Variants in SEMA4D observed in about 807,000 individuals in gnomAD.
SEMA4D encodes the protein semaphorin 4D.
Under a neutral mutation model 74.8 loss-of-function variants are expected in SEMA4D, and 22 were observed. That is an observed-to-expected ratio of 0.29 (90% CI 0.21 to 0.42). The LOEUF is 0.42. Among genes scored for constraint, SEMA4D ranks in the 10% least tolerant of loss-of-function variants. The pLI is 1.00. For synonymous variants in SEMA4D, 445 were observed against 463.7 expected (o/e 0.96, Z 0.52); for missense variants, 937 against 1,118.4 (o/e 0.84, Z 2.31).
At chr9:89,480,681 C>G (rs557191510) in intron 1 of SEMA4D, among the ~76,000 whole-genome samples, 26 of 152,234 alleles carry the variant, frequency 1.7e-4, no homozygotes, top group South Asian at 6.2e-4. Context: ...CCCCATTGCC[C>G]GGGGCCAGAA....
chr9:89,465,793 C>T (rs1288194880), intron 1 of SEMA4D, among the ~76,000 whole-genome samples: 2 of 152,206 alleles, frequency 1.3e-5, no homozygotes, highest in African/African-American at 4.8e-5. Flanking sequence ...CTATGACTTA[C>T]AGAGCTGTAC....
chr9:89,464,575 G>C (rs1858174615), intron 1 of SEMA4D, among the ~76,000 whole-genome samples: 1 of 152,212 alleles, frequency 6.6e-6, no homozygotes, highest in Non-Finnish European at 1.5e-5. Flanking sequence ...TCCTCTCCCT[G>C]CAAGATCATG....
At chr9:89,491,504 A>G (rs1462529203) in intron 1 of SEMA4D, among the ~76,000 whole-genome samples, 2 of 152,216 alleles carry the variant, frequency 1.3e-5, no homozygotes, top group Admixed American at 1.3e-4. Context: ...CACGAGGCAG[A>G]GGTTGCAGTG....
chr9:89,365,908 C>T (rs972154758), intron 16 of SEMA4D, among the ~76,000 whole-genome samples: 1 of 152,206 alleles, frequency 6.6e-6, no homozygotes, highest in African/African-American at 2.4e-5. Flanking sequence ...CTGACTGTGG[C>T]ATCTGCTCAT....
Position 89,379,538 on chromosome 9 carries a change from G to C in SEMA4D, c.1755C>G (p.Val585=). 1.9e-6 allele frequency: 3 copies of C among 1,614,160 alleles called. No homozygotes were observed. Among genetic ancestry groups the C allele is most frequent in the Non-Finnish European group, 2.5e-6 (3 of 1,180,020 alleles). ...ACACGCCATTCTGGAACTTCCAAAA[G>C]ACCCGGGCCAGGTTGGATTTTTGGG... is the stretch of plus-strand genomic sequence containing the variant. ...KCSQKSNLAR[V]FWKFQNGVLK... Residue 585 remains valine, a synonymous_variant, in exon 16 of 16, where the codon GTC becomes GTG. Coordinates refer to ENST00000422704, the MANE Select transcript of SEMA4D (RefSeq NM_001371194.2).
At chr9:89,455,131 CCA>C (rs1855621154) in intron 2 of SEMA4D, among the ~76,000 whole-genome samples, 1 of 152,282 alleles carries the variant, frequency 6.6e-6, no homozygotes. Context: ...ATGGCCTCAT[CCA>C]TGACAGGGAG....
intron 1 of SEMA4D, among the ~76,000 whole-genome samples, chr9:89,475,709 G>A (rs1012000223): frequency 3.3e-5 from 5 of 152,284 alleles, no homozygotes; most frequent in African/African-American, 7.2e-5. Context: ...GACTGTTTAC[G>A]GTAGAATTCA....
At chr9:89,475,367 G>A (rs1563973299) in intron 1 of SEMA4D, among the ~76,000 whole-genome samples, 1 of 152,168 alleles carries the variant, frequency 6.6e-6, no homozygotes, top group Non-Finnish European at 1.5e-5. Context: ...CCAGTCCCAG[G>A]AACAAACACC....
At chr9:89,432,117 C>T (rs1032730214) in intron 2 of SEMA4D, among the ~76,000 whole-genome samples, 1 of 151,914 alleles carries the variant, frequency 6.6e-6, no homozygotes, top group African/African-American at 2.4e-5. Flanking sequence ...CCCACCCTTA[C>T]CAGCTATGCA....
intron 2 of SEMA4D, chr9:89,418,506 C>T (rs937533498): frequency 2.5e-6 from 2 of 795,202 alleles, no homozygotes; most frequent in African/African-American, 3.7e-5. Context: ...AATTCATCTT[C>T]ATGAGGCAAA....
In SEMA4D at chr9:89,388,914, C is replaced by T. The variant is rs62638728; in HGVS notation, c.908G>A (p.Gly303Asp). 2.0e-5 allele frequency: 32 copies of T among 1,614,052 alleles called. No homozygotes were observed. The African/African-American group carries it at 4.0e-4, about 20-fold the overall frequency. ...LRDVFVLRSP[G>D]LKVPVFYALF... is the part of the protein sequence containing the mutation. ...TGCATAGAACACAGGCACCTTCAGG[C>T]CCGGGGACCTGAGCACGAAGACATC... Residue 303 changes from glycine to aspartate, a missense_variant, in exon 10 of 16, where the codon GGC becomes GAC. Gly to Asp is a moderately conservative substitution (Grantham distance 94). Transcript: ENST00000422704.
At chr9:89,487,781 T>C (rs1437885570) in intron 1 of SEMA4D, among the ~76,000 whole-genome samples, 1 of 152,230 alleles carries the variant, frequency 6.6e-6, no homozygotes, top group Admixed American at 6.5e-5. Context: ...GAAATACTTA[T>C]GAGTAAATCT....
intron 1 of SEMA4D, among the ~76,000 whole-genome samples, chr9:89,478,781 A>ACCCCT (rs1862418534): frequency 3.0e-5 from 2 of 66,164 alleles, no homozygotes; most frequent in Non-Finnish European, 3.2e-5. Context: ...ACCCCACCCC[A>ACCCCT]CCCCAAGGCC....
chr9:89,371,440 GGTGT>G (rs1491488930), intron 16 of SEMA4D, among the ~76,000 whole-genome samples: 1 of 108,322 alleles, frequency 9.2e-6, no homozygotes, highest in Non-Finnish European at 2.0e-5. Context: ...GTGTGTGTGG[GGTGT>G]GGTGTGTGTC....
chr9:89,387,041 C>T (rs1838681401), intron 12 of SEMA4D: 1 of 248,092 alleles, frequency 4.0e-6, no homozygotes, highest in African/African-American at 2.3e-5. Context: ...TCAGGAAACG[C>T]CAGGCTGACG....
chr9:89,483,768 T>C (rs1244585758), intron 1 of SEMA4D, among the ~76,000 whole-genome samples: 3 of 142,124 alleles, frequency 2.1e-5, no homozygotes, highest in Non-Finnish European at 3.1e-5. Flanking sequence ...CCTCACAATA[T>C]AAAATGCATG....
At position 89,381,532 on chromosome 9, in the gene SEMA4D, C is replaced by A. The variant is rs372068957; in HGVS notation, c.1447-186G>T. 6 of 518,678 alleles carry A rather than the reference C, an allele frequency of 1.2e-5. No individual in the cohort carries two copies. The highest frequency in any genetic ancestry group is 6.1e-5 in the East Asian group (2 of 32,876). 32.1% of individuals were successfully genotyped at this position (518,678 alleles called of 1,614,324 possible). ...GTCTGTGACCTTCCTGCAGAATCCA[C>A]GTGCTATGTCAGGGCTCACTGGGCC... On this transcript the variant is annotated intron_variant, in intron 13 of 15. Coordinates refer to ENST00000422704, the MANE Select transcript of SEMA4D (RefSeq NM_001371194.2). This position sits in a 1 kb window ranked among gnomAD's most constrained non-coding sequence, Gnocchi z 4.6.
chr9:89,379,505 G>T lies in SEMA4D; in HGVS notation c.1788C>A (p.Ala596=), dbSNP rs377303343. The T allele has an allele frequency of 2.5e-6, 4 of 1,614,062 alleles. No individual in the cohort carries two copies. Among genetic ancestry groups the T allele is most frequent in the Non-Finnish European group, 2.5e-6 (3 of 1,180,014 alleles). The change falls in exon 16 of 16, where the codon GCC becomes GCA. Residue 596 remains alanine, a synonymous_variant. Transcript: ENST00000422704. ...CCATAAGACCGTACTTGGGGCTCTC[G>T]GCCTTCAACACGCCATTCTGGAACT... ...FWKFQNGVLK[A]ESPKYGLMGR...
intron 13 of SEMA4D, chr9:89,385,178 C>T (rs1476391773): frequency 1.1e-6 from 1 of 903,552 alleles, no homozygotes; most frequent in Non-Finnish European, 1.3e-6. Flanking sequence ...CCTCTTCCTA[C>T]CCCCTTCTGC....
Sources: allele counts gnomAD v4.1 joint callset (sites outside exome capture counted in the v4.1 genomes callset), GRCh38; gene constraint gnomAD v4.1.1; non-coding constraint Gnocchi (gnomAD v3.1); transcripts MANE v1.5; gene names NCBI Gene and HGNC (gene_info 2026-07-23, HGNC 2026-07-21).